The following KIAA1328 variants were observed in gnomAD, a reference collection of about 807,000 sequenced individuals.
KIAA1328 encodes the protein KIAA1328.
A neutral mutation model predicts 68.1 loss-of-function variants in KIAA1328; 52 were observed. The ratio of observed to expected loss-of-function variants is 0.76; its 90% confidence interval spans 0.61 to 0.96. The LOEUF (loss-of-function observed/expected upper bound fraction) is 0.96. Among genes scored for constraint, KIAA1328 ranks in the 40% least tolerant of loss-of-function variants. The probability of loss-of-function intolerance (pLI) is 0.00; values close to 1 mark genes in which losing one functional copy is unlikely to be tolerated. For missense variants in KIAA1328, 641 were observed against 677.6 expected (o/e 0.95, Z 0.60); for synonymous variants, 232 against 239.4 (o/e 0.97, Z 0.28).
At chr18:37,074,983 G>A (rs1268931685) in intron 7 of KIAA1328, 2 of 151,900 alleles carry the variant, frequency 1.3e-5, no homozygotes, top group South Asian at 4.2e-4. Flanking sequence ...TACAGAGAAC[G>A]CCACAAAGAT....
Position 36,982,457 on chromosome 18 carries a change from G to A in KIAA1328, c.576+23022G>A, listed in dbSNP as rs986806773. ...TAAATATGACAGCAGGTTCTTGCAG[G>A]AAACAGTGCAAACAAGAGCACATTA... On this transcript the variant is annotated intron_variant, in intron 6 of 9. Coordinates refer to ENST00000280020, the MANE Select transcript of KIAA1328 (RefSeq NM_020776.3). 2.4e-4 allele frequency among the ~76,000 whole-genome samples: 36 copies of A among 151,512 alleles called. 1 individual carries two copies. The highest frequency in any genetic ancestry group is 2.3e-3 in the Admixed American group (35 of 15,168).
At chr18:37,108,029 A>G (rs1422427481) in intron 7 of KIAA1328, among the ~76,000 whole-genome samples, 1 of 152,148 alleles carries the variant, frequency 6.6e-6, no homozygotes, top group Non-Finnish European at 1.5e-5. Context: ...CTGGGTATAT[A>G]CCTAAAAGAA....
At chr18:37,216,976 TTTG>T (rs1568545673) in intron 9 of KIAA1328, among the ~76,000 whole-genome samples, 4 of 139,532 alleles carry the variant, frequency 2.9e-5, no homozygotes, top group Non-Finnish European at 4.6e-5. Context: ...CTGCTTTTTT[TTTG>T]TTTTTTTTTT....
chr18:37,130,386 G>A (rs542359952), intron 7 of KIAA1328, among the ~76,000 whole-genome samples: 6 of 152,290 alleles, frequency 3.9e-5, no homozygotes, highest in South Asian at 2.1e-4. Flanking sequence ...TTGGGAGGCC[G>A]AGGCAGGCAG....
chr18:37,131,973 T>C (rs1416260074), intron 7 of KIAA1328, among the ~76,000 whole-genome samples: 1 of 152,190 alleles, frequency 6.6e-6, no homozygotes, highest in Non-Finnish European at 1.5e-5. Flanking sequence ...TATGTGTCCT[T>C]TTAAGTGTTT....
At chr18:36,960,812 C>T (rs929913435) in intron 6 of KIAA1328, among the ~76,000 whole-genome samples, 1 of 152,198 alleles carries the variant, frequency 6.6e-6, no homozygotes, top group Non-Finnish European at 1.5e-5. Context: ...ATCTGTAGGT[C>T]ACCAACATCA....
intron 6 of KIAA1328, among the ~76,000 whole-genome samples, chr18:36,984,287 AC>A (rs1382092197): frequency 4.6e-5 from 7 of 152,166 alleles, no homozygotes; most frequent in Non-Finnish European, 1.0e-4. Flanking sequence ...TTAATAAAAG[AC>A]ATCCAAATTG....
At chr18:36,892,044 G>T (rs181179583) in intron 5 of KIAA1328, among the ~76,000 whole-genome samples, 1 of 152,122 alleles carries the variant, frequency 6.6e-6, no homozygotes, top group Admixed American at 6.6e-5. Flanking sequence ...ACAGTAATAC[G>T]CTGGAGCTAT....
intron 8 of KIAA1328, among the ~76,000 whole-genome samples, chr18:37,164,336 C>T (rs1055114863): frequency 6.6e-6 from 1 of 152,214 alleles, no homozygotes. Flanking sequence ...TAGACTTTTT[C>T]ACCTCAGTAC....
chr18:36,988,457 A>T (rs1639916352), intron 6 of KIAA1328, among the ~76,000 whole-genome samples: 1 of 152,202 alleles, frequency 6.6e-6, no homozygotes, highest in African/African-American at 2.4e-5. Context: ...TGGGAATGTT[A>T]GACATTTGGC....
chr18:37,050,449 G>T (rs1342146337), intron 6 of KIAA1328, among the ~76,000 whole-genome samples: 6 of 151,908 alleles, frequency 3.9e-5, no homozygotes, highest in Non-Finnish European at 8.8e-5. Context: ...TTTCTGATCT[G>T]CATTAAATAA....
At chr18:37,010,316 A>G (rs973958269) in intron 6 of KIAA1328, among the ~76,000 whole-genome samples, 5 of 151,618 alleles carry the variant, frequency 3.3e-5, no homozygotes, top group Admixed American at 3.3e-4. Context: ...GGTGGCAGGC[A>G]CCTGTAGTCC....
At chr18:37,080,970 A>G (rs943602144) in intron 7 of KIAA1328, among the ~76,000 whole-genome samples, 1 of 151,648 alleles carries the variant, frequency 6.6e-6, no homozygotes, top group Non-Finnish European at 1.5e-5. Context: ...GACTCAAGAC[A>G]TACATTGATT....
At position 37,193,590 on chromosome 18, in the gene KIAA1328, GC is replaced by G. The variant is rs550263990; in HGVS notation, c.1523+20512del. The G allele has an allele frequency of 3.6e-4, 251 of 702,500 alleles. 1 individual carries two copies. In the African/African-American group the frequency reaches 3.7e-3, roughly 10 times the overall value. 43.5% of individuals were successfully genotyped at this position (702,500 alleles called of 1,614,324 possible). On this transcript the variant is annotated intron_variant, in intron 9 of 9. Coordinates refer to ENST00000280020, the MANE Select transcript of KIAA1328 (RefSeq NM_020776.3). The stretch of plus-strand genomic sequence containing the variant: ...GGACATTTTAATTTATTTATTCCTA[GC>G]CCAGGAATCTCCACAAAGATCTGCT...
intron 7 of KIAA1328, among the ~76,000 whole-genome samples, chr18:37,094,260 T>A (rs2057342854): frequency 6.6e-6 from 1 of 152,122 alleles, no homozygotes; most frequent in South Asian, 2.1e-4. Flanking sequence ...GCCCAGTGGC[T>A]AACAGGCCAG....
At chr18:36,868,773 TG>T (rs1172455686) in intron 4 of KIAA1328, among the ~76,000 whole-genome samples, 5 of 152,218 alleles carry the variant, frequency 3.3e-5, no homozygotes, top group African/African-American at 2.4e-5. Flanking sequence ...CTAACTCATT[TG>T]AGGACATGGT....
chr18:37,137,660 A>G (rs1422083955), intron 7 of KIAA1328, among the ~76,000 whole-genome samples: 3 of 152,058 alleles, frequency 2.0e-5, no homozygotes, highest in Non-Finnish European at 4.4e-5. Flanking sequence ...TTCTCTGCTT[A>G]TCTCCCTATT....
chr18:37,067,460 C>T lies in KIAA1328; in HGVS notation c.1147C>T (p.Arg383Cys), dbSNP rs12326301. Residue 383 changes from arginine (R) to cysteine (C), a missense_variant, in exon 7 of 10, where the codon CGC becomes TGC. By Grantham distance (180) the Arg-to-Cys change is radical. Transcript: ENST00000280020. ...AATGGAACTGGAAATTGAAAAGGAG[C>T]GCCTTCAGCATCTGCTGGCCCAGCA... ...QKMELEIEKERLQHLLAQQET... is the reference protein window; with the variant it reads ...QKMELEIEKECLQHLLAQQET... The T allele has an allele frequency of 5.9e-3, 9,195 of 1,569,114 alleles. 465 individuals carry two copies. In the African/African-American group the frequency reaches 0.11, roughly 19 times the overall value.
chr18:37,119,989 G>A (rs1180226213), intron 7 of KIAA1328, among the ~76,000 whole-genome samples: 2 of 152,142 alleles, frequency 1.3e-5, no homozygotes, highest in African/African-American at 4.8e-5. Context: ...CATTAGTTTT[G>A]ACAAATGTAG....
Sources: gnomAD v4.1 joint callset for allele counts (sites outside exome capture counted in the v4.1 genomes callset) on GRCh38, gnomAD v4.1.1 for gene constraint, MANE v1.5 for transcripts, NCBI Gene and HGNC (gene_info 2026-07-23, HGNC 2026-07-21) for gene names.